UBXN7: variants seen among roughly 807,000 people sequenced by gnomAD.
UBXN7 encodes UBX domain-containing protein 7.
Under a neutral mutation model 58.0 loss-of-function variants are expected in UBXN7, and 9 were observed. The observed-to-expected ratio is 0.16, with a 90% CI of 0.09 to 0.27. The LOEUF (loss-of-function observed/expected upper bound fraction) is 0.27, where lower values mean the gene tolerates loss of function less well. Ranked by LOEUF, UBXN7 falls within the 10% of genes least tolerant of loss-of-function variation. The pLI is 1.00. For missense variants in UBXN7, 328 were observed against 599.6 expected (o/e 0.55, Z 4.73); for synonymous variants, 208 against 205.0 (o/e 1.01, Z -0.12).
intron 1 of UBXN7, among the ~76,000 whole-genome samples, chr3:196,415,271 A>G (rs894250622): frequency 6.7e-6 from 1 of 149,304 alleles, no homozygotes; most frequent in Non-Finnish European, 1.5e-5. Flanking sequence ...CTCCCGCCTC[A>G]GCCTCCCGAG....
intron 1 of UBXN7, among the ~76,000 whole-genome samples, chr3:196,410,029 T>C (rs1026524745): frequency 6.6e-6 from 1 of 151,404 alleles, no homozygotes; most frequent in Non-Finnish European, 1.5e-5. Context: ...CAACCTCCAC[T>C]TCAGGGTTCA....
chr3:196,395,453 AT>A (rs999520813), intron 3 of UBXN7, among the ~76,000 whole-genome samples: 8 of 150,724 alleles, frequency 5.3e-5, no homozygotes, highest in Non-Finnish European at 1.2e-4. Context: ...GTTTTATTTT[AT>A]TTTTTTTTGA....
intron 1 of UBXN7, among the ~76,000 whole-genome samples, chr3:196,426,948 T>C (rs1730869398): frequency 6.6e-6 from 1 of 152,100 alleles, no homozygotes. Context: ...TCATCAACCA[T>C]CTGAAAGATT....
chr3:196,407,170 G>A (rs1488314033), intron 2 of UBXN7, 76 bp downstream of exon 2: 12 of 1,527,670 alleles, frequency 7.9e-6, no homozygotes, highest in Admixed American at 4.1e-5. Context: ...CCAGAGAATC[G>A]ACCTAGCTTT....
intron 10 of UBXN7, among the ~76,000 whole-genome samples, chr3:196,357,454 A>G (rs928261971): frequency 6.6e-6 from 1 of 152,076 alleles, no homozygotes; most frequent in Admixed American, 6.6e-5. Context: ...AGCTAGTCAG[A>G]CTCAAGATTC....
intron 10 of UBXN7, 109 bp downstream of exon 10, chr3:196,361,735 G>C: frequency 1.1e-6 from 1 of 912,398 alleles, no homozygotes; most frequent in East Asian, 2.5e-5. Context: ...ACACTTAATA[G>C]ACTATGGAAT....
chr3:196,374,984 A>AAGGAAGGGAGGGAGGG (rs1410306305), intron 5 of UBXN7, among the ~76,000 whole-genome samples: 4 of 32,454 alleles, frequency 1.2e-4, no homozygotes, highest in African/African-American at 5.4e-4. Context: ...GGAAGGAAGG[A>AAGGAAGGGAGGGAGGG]AGGGAGGGAG....
chr3:196,430,000 C>T (rs1174299870), intron 1 of UBXN7, among the ~76,000 whole-genome samples: 4 of 152,108 alleles, frequency 2.6e-5, no homozygotes, highest in African/African-American at 7.2e-5. Context: ...AGTAATGTGG[C>T]GTTAAACCAA....
At chr3:196,406,965 T>A (rs1577468463) in intron 2 of UBXN7, among the ~76,000 whole-genome samples, 2 of 152,228 alleles carry the variant, frequency 1.3e-5, no homozygotes, top group African/African-American at 4.8e-5. Flanking sequence ...CAGGCCCTGC[T>A]GGCCACGGGC....
chr3:196,392,058 C>A (rs947830027), intron 4 of UBXN7, 133 bp from the exon 5 acceptor site: 5 of 541,304 alleles, frequency 9.2e-6, no homozygotes, highest in African/African-American at 5.9e-5. Flanking sequence ...ATACAAAGAT[C>A]TAATGTTGAC....
At chr3:196,406,588 T>C (rs1730169052) in intron 2 of UBXN7, among the ~76,000 whole-genome samples, 1 of 151,710 alleles carries the variant, frequency 6.6e-6, no homozygotes, top group Non-Finnish European at 1.5e-5. Context: ...TACAGGCGCA[T>C]GCCACCACGC....
intron 10 of UBXN7, 71 bp from the exon 11 acceptor site, chr3:196,356,917 G>A: frequency 6.6e-7 from 1 of 1,516,296 alleles, no homozygotes; most frequent in Non-Finnish European, 8.8e-7. Flanking sequence ...GAATTAAATA[G>A]AAAACATTCT....
At chr3:196,376,792 T>C (rs1306228303) in intron 5 of UBXN7, among the ~76,000 whole-genome samples, 2 of 151,904 alleles carry the variant, frequency 1.3e-5, no homozygotes, top group African/African-American at 4.8e-5. Context: ...ACACTGGTAA[T>C]CTCAGAACTC....
chr3:196,417,724 TAAAAAAAAAAAAAAAAAAAA>T (rs749981900), intron 1 of UBXN7, among the ~76,000 whole-genome samples: 3 of 31,656 alleles, frequency 9.5e-5, no homozygotes, highest in African/African-American at 1.2e-4. Context: ...GCAAAATGGT[TAAAAAAAAAAAAAAAAAAAA>T]AAAAAAAAAA....
intron 1 of UBXN7, 78 bp from the exon 2 acceptor site, chr3:196,407,471 A>C: frequency 6.7e-7 from 1 of 1,501,608 alleles, no homozygotes; most frequent in Non-Finnish European, 8.8e-7. Flanking sequence ...TCATATTAGA[A>C]TTCCCAAGTA....
rs1577442221 is a variant in UBXN7, at chr3:196,374,923, G to GGGAA, written c.469-2882_469-2881insTTCC. 4.1e-4 allele frequency among the ~76,000 whole-genome samples: 3 copies of GGGAA among 7,366 alleles called. 1 individual carries two copies. The highest frequency in any genetic ancestry group is 7.7e-4 in the Non-Finnish European group (3 of 3,898). The allele number at this position is 7,366 out of a possible 152,430, so 4.8% of individuals were successfully genotyped here. On this transcript the variant is annotated intron_variant, in intron 5 of 10. Coordinates refer to ENST00000296328, the MANE Select transcript of UBXN7 (RefSeq NM_015562.2). ...GGGGGGAGGGGGAGGGGGAGGGGGA[G>GGGAA]GGGAAGGGAAGAAGGAAGGAAGGAA... is the stretch of plus-strand genomic sequence containing the variant.
chr3:196,428,535 G>C (rs1282853037), intron 1 of UBXN7, among the ~76,000 whole-genome samples: 1 of 151,996 alleles, frequency 6.6e-6, no homozygotes, highest in Non-Finnish European at 1.5e-5. Flanking sequence ...ACAAGAAGTG[G>C]AAGATAATAT....
chr3:196,414,937 C>T (rs1235522915), intron 1 of UBXN7, among the ~76,000 whole-genome samples: 1 of 152,116 alleles, frequency 6.6e-6, no homozygotes, highest in Non-Finnish European at 1.5e-5. Context: ...AACACAAATG[C>T]AACTTTTTGA....
intron 3 of UBXN7, among the ~76,000 whole-genome samples, chr3:196,396,351 A>G (rs1577459203): frequency 6.6e-6 from 1 of 151,774 alleles, no homozygotes; most frequent in African/African-American, 2.4e-5. Context: ...GCTTGAGCCA[A>G]GGAGTTCGAG....
Sources: allele counts gnomAD v4.1 joint callset (sites outside exome capture counted in the v4.1 genomes callset), GRCh38; gene constraint gnomAD v4.1.1; transcripts MANE v1.5; gene names NCBI Gene and HGNC (gene_info 2026-07-23, HGNC 2026-07-21).